PTPRT: variants seen among roughly 807,000 people sequenced by gnomAD.
The protein encoded by PTPRT is protein tyrosine phosphatase receptor type T, also known as receptor-type tyrosine-protein phosphatase T.
Under a neutral mutation model 176.8 loss-of-function variants are expected in PTPRT, and 56 were observed. The observed-to-expected ratio is 0.32, with a 90% CI of 0.26 to 0.40. The LOEUF (loss-of-function observed/expected upper bound fraction) is 0.40. Among genes scored for constraint, PTPRT ranks in the 10% least tolerant of loss-of-function variants. The pLI is 1.00. For missense variants in PTPRT, 1,540 were observed against 1,908.2 expected, an observed-to-expected ratio of 0.81 and a Z score of 3.60; for synonymous variants, 783 against 739.0, an observed-to-expected ratio of 1.06 and a Z score of -0.96.
At chr20:42,720,263 A>C (rs1236237342) in intron 6 of PTPRT, among the ~76,000 whole-genome samples, 1 of 152,218 alleles carries the variant, frequency 6.6e-6, no homozygotes, top group Non-Finnish European at 1.5e-5. Flanking sequence ...TATCATGTGT[A>C]TCCCTTAGCA....
the PTPRT span, among the ~76,000 whole-genome samples, chr20:42,061,257 G>A: frequency 2.6e-5 from 4 of 151,996 alleles, no homozygotes; most frequent in African/African-American, 7.3e-5. Flanking sequence ...GCATCTTACC[G>A]TGATTTTCAG....
chr20:42,886,448 T>G (rs1025440555), intron 1 of PTPRT, among the ~76,000 whole-genome samples: 3 of 152,068 alleles, frequency 2.0e-5, no homozygotes, highest in South Asian at 2.1e-4. Flanking sequence ...AGAAATACCA[T>G]GAGGAATAAA....
intron 11 of PTPRT, among the ~76,000 whole-genome samples, chr20:42,343,236 C>T (rs6130112): frequency 0.03 from 4,589 of 152,280 alleles, 83 homozygotes; most frequent in East Asian, 0.086. Context: ...CCCAGACCAC[C>T]TTTGCCACCA....
intron 8 of PTPRT, among the ~76,000 whole-genome samples, chr20:42,461,152 A>G (rs1358359862): frequency 1.3e-5 from 2 of 152,162 alleles, no homozygotes; most frequent in African/African-American, 2.4e-5. Context: ...ACACGGAGAA[A>G]CCCTGTCCCT....
the PTPRT span, among the ~76,000 whole-genome samples, chr20:42,042,720 C>A: frequency 6.6e-6 from 1 of 152,246 alleles, no homozygotes; most frequent in Non-Finnish European, 1.5e-5. Context: ...GTTTCACTCA[C>A]TCACTCACCA....
intron 2 of PTPRT, among the ~76,000 whole-genome samples, chr20:42,824,055 A>G (rs2145666926): frequency 6.6e-6 from 1 of 152,238 alleles, no homozygotes; most frequent in South Asian, 2.1e-4. Context: ...GAATCAACTT[A>G]AACAGAGATA....
intron 7 of PTPRT, among the ~76,000 whole-genome samples, chr20:42,667,444 T>C (rs1429022281): frequency 6.6e-6 from 1 of 152,222 alleles, no homozygotes; most frequent in African/African-American, 2.4e-5. Context: ...TTCATCACTA[T>C]AATCATACAC....
rs1982349776 is a variant in PTPRT, at chr20:42,967,233, A to G, written c.89-81301T>C. Reference sequence around the variant, plus strand: ...ATAAGTCCATCTCCTAATCTCTTGAACGTGTGAATCTGACCTTATTTGGAA... The same window carrying G: ...ATAAGTCCATCTCCTAATCTCTTGAGCGTGTGAATCTGACCTTATTTGGAA... On this transcript the variant is annotated intron_variant, in intron 1 of 30. Coordinates refer to ENST00000373187, the MANE Select transcript of PTPRT (RefSeq NM_007050.6). Among the ~76,000 whole-genome samples the G allele has an allele frequency of 3.3e-5, 5 of 152,162 alleles. No homozygotes were observed. The South Asian group carries it at 1.0e-3, about 32-fold the overall frequency.
chr20:42,469,210 C>T (rs1421755310), intron 8 of PTPRT, among the ~76,000 whole-genome samples: 2 of 151,594 alleles, frequency 1.3e-5, no homozygotes, highest in Admixed American at 1.3e-4. Context: ...TTTAATTATT[C>T]CTTTTTTGTT....
chr20:42,717,429 G>T (rs538260518), intron 6 of PTPRT, among the ~76,000 whole-genome samples: 1 of 152,062 alleles, frequency 6.6e-6, no homozygotes, highest in Non-Finnish European at 1.5e-5. Context: ...TTTTTAACAA[G>T]AGTCCTGGGT....
At chr20:42,065,270 C>T in the PTPRT span, among the ~76,000 whole-genome samples, 1 of 147,650 alleles carries the variant, frequency 6.8e-6, no homozygotes, top group East Asian at 1.9e-4. Flanking sequence ...GTAACTGTAA[C>T]AATGATCTCT....
intron 7 of PTPRT, among the ~76,000 whole-genome samples, chr20:42,500,705 A>C (rs1287462902): frequency 1.3e-5 from 2 of 152,060 alleles, no homozygotes; most frequent in African/African-American, 4.8e-5. Flanking sequence ...ATCATTTATT[A>C]TGATGCTTAT....
At chr20:42,667,967 G>A (rs1303144327) in intron 7 of PTPRT, among the ~76,000 whole-genome samples, 1 of 152,108 alleles carries the variant, frequency 6.6e-6, no homozygotes, top group Non-Finnish European at 1.5e-5. Context: ...GTTGTAAATG[G>A]TGGCAATCTC....
intron 2 of PTPRT, among the ~76,000 whole-genome samples, chr20:42,840,602 G>A (rs1350541420): frequency 2.6e-5 from 4 of 152,086 alleles, no homozygotes; most frequent in South Asian, 2.1e-4. Context: ...TAGTAGAGAC[G>A]GGGTTTCACC....
intron 1 of PTPRT, among the ~76,000 whole-genome samples, chr20:43,134,774 A>G (rs1445910439): frequency 6.6e-6 from 1 of 152,206 alleles, no homozygotes; most frequent in African/African-American, 2.4e-5. Flanking sequence ...GGTGGTATTA[A>G]TGAATTGTTG....
intron 7 of PTPRT, among the ~76,000 whole-genome samples, chr20:42,505,095 T>G (rs964510084): frequency 3.3e-5 from 5 of 152,146 alleles, no homozygotes; most frequent in Admixed American, 3.3e-4. Context: ...CTCTTCCCTT[T>G]CTTTCCCCTC....
chr20:42,407,084 T>G (rs2058967689), intron 9 of PTPRT, among the ~76,000 whole-genome samples: 1 of 152,184 alleles, frequency 6.6e-6, no homozygotes, highest in African/African-American at 2.4e-5. Flanking sequence ...ATTTCCCTGG[T>G]CTTAATGATT....
intron 1 of PTPRT, among the ~76,000 whole-genome samples, chr20:43,178,807 G>A (rs2146476632): frequency 6.6e-6 from 1 of 152,268 alleles, no homozygotes; most frequent in East Asian, 1.9e-4. Context: ...TAATAAATGA[G>A]AAACTGCTCA....
At chr20:42,729,998 A>G (rs1242743238) in intron 6 of PTPRT, among the ~76,000 whole-genome samples, 1 of 152,166 alleles carries the variant, frequency 6.6e-6, no homozygotes, top group African/African-American at 2.4e-5. Flanking sequence ...TACAATTCCT[A>G]GTCCTCCCAA....
Sources: allele counts gnomAD v4.1 joint callset (sites outside exome capture counted in the v4.1 genomes callset), GRCh38; gene constraint gnomAD v4.1.1; transcripts MANE v1.5; gene names NCBI Gene and HGNC (gene_info 2026-07-23, HGNC 2026-07-21).